Variants in RABGAP1L observed in about 807,000 individuals in gnomAD.
RABGAP1L encodes rab GTPase-activating protein 1-like.
In RABGAP1L, 63 loss-of-function variants were observed where a neutral mutation model predicts 137.7. That is an observed-to-expected ratio of 0.46 (90% CI 0.37 to 0.56). RABGAP1L has a LOEUF of 0.56. Among genes scored for constraint, RABGAP1L ranks in the 20% least tolerant of loss-of-function variants. The probability of loss-of-function intolerance (pLI) is 0.00; values close to 1 mark genes in which losing one functional copy is unlikely to be tolerated. For missense variants in RABGAP1L, 1,095 were observed against 1,244.0 expected, an observed-to-expected ratio of 0.88 and a Z score of 1.80; for synonymous variants, 431 against 433.7, an observed-to-expected ratio of 0.99 and a Z score of 0.08.
rs1686776412 is a variant in RABGAP1L, at chr1:174,779,388, T to TG, written c.2211+27035dup. On this transcript the variant is annotated intron_variant, in intron 18 of 25. Coordinates refer to ENST00000681986, the MANE Select transcript of RABGAP1L (RefSeq NM_001366446.1). ...CCATCTTGTTGTTATTTAGATGTTTTGTATGTGTATGTCTTGTCTTGAATT... is the reference window on the plus strand; with the variant it reads ...CCATCTTGTTGTTATTTAGATGTTTTGGTATGTGTATGTCTTGTCTTGAATT... Among the ~76,000 whole-genome samples the TG allele has an allele frequency of 3.3e-5, 5 of 152,338 alleles. No individual in the cohort carries two copies. The South Asian group carries it at 1.0e-3, about 32-fold the overall frequency.
At chr1:174,874,574 C>A in intron 19 of RABGAP1L, 84 of 602,622 alleles carry the variant, frequency 1.4e-4, no homozygotes, top group Middle Eastern at 8.4e-4. Context: ...CTCCACACCA[C>A]TGCCTTTTTT....
chr1:174,582,109 C>T (rs1030732485), intron 13 of RABGAP1L, among the ~76,000 whole-genome samples: 1 of 152,074 alleles, frequency 6.6e-6, no homozygotes, highest in Non-Finnish European at 1.5e-5. Flanking sequence ...AGGTAGCTCA[C>T]ACCTGTATTC....
At chr1:174,358,881 G>C (rs1326730393) in intron 11 of RABGAP1L, among the ~76,000 whole-genome samples, 1 of 152,112 alleles carries the variant, frequency 6.6e-6, no homozygotes, top group East Asian at 1.9e-4. Context: ...AATAAAAGTG[G>C]CCACTACTAT....
chr1:174,746,706 T>C (rs1683895581), intron 17 of RABGAP1L, among the ~76,000 whole-genome samples: 1 of 152,214 alleles, frequency 6.6e-6, no homozygotes, highest in South Asian at 2.1e-4. Flanking sequence ...AGAGTATCAC[T>C]TTTGGAATTA....
chr1:174,550,901 C>CAT (rs1476748167), intron 13 of RABGAP1L, among the ~76,000 whole-genome samples: 4,107 of 91,596 alleles, frequency 0.045, 208 homozygotes, highest in East Asian at 0.12. Context: ...TATATACACA[C>CAT]ACACATATAC....
chr1:174,389,755 G>C, intron 12 of RABGAP1L, among the ~76,000 whole-genome samples: 1 of 152,052 alleles, frequency 6.6e-6, no homozygotes, highest in Non-Finnish European at 1.5e-5. Context: ...ACTGTTTCTA[G>C]GTGCTTAAGA....
At chr1:174,546,420 C>A (rs569308138) in intron 13 of RABGAP1L, among the ~76,000 whole-genome samples, 2 of 152,140 alleles carry the variant, frequency 1.3e-5, no homozygotes, top group East Asian at 3.9e-4. Flanking sequence ...ACTATTAAAC[C>A]ACTGCTCTAG....
At chr1:174,504,756 A>G (rs1330780123) in intron 13 of RABGAP1L, among the ~76,000 whole-genome samples, 2 of 152,200 alleles carry the variant, frequency 1.3e-5, no homozygotes, top group Non-Finnish European at 2.9e-5. Context: ...AAAACCTGAA[A>G]CTGTAAAACT....
At chr1:174,729,933 C>T (rs529871586) in intron 17 of RABGAP1L, among the ~76,000 whole-genome samples, 6 of 152,286 alleles carry the variant, frequency 3.9e-5, no homozygotes, top group African/African-American at 1.4e-4. Context: ...GAACTTAAAA[C>T]AGAACTACCA....
At chr1:174,202,315 G>C (rs542055854) in intron 1 of RABGAP1L, among the ~76,000 whole-genome samples, 52 of 152,160 alleles carry the variant, frequency 3.4e-4, no homozygotes, top group African/African-American at 1.2e-3. Flanking sequence ...AGCACCTGTT[G>C]TTTCCTGACT....
chr1:174,687,226 T>C (rs2148489668), intron 15 of RABGAP1L, among the ~76,000 whole-genome samples: 1 of 152,248 alleles, frequency 6.6e-6, no homozygotes, highest in Admixed American at 6.5e-5. Flanking sequence ...ACTCTACTAT[T>C]ATAAGGGCCA....
intron 14 of RABGAP1L, among the ~76,000 whole-genome samples, chr1:174,667,742 A>G (rs1676889468): frequency 6.6e-6 from 1 of 152,142 alleles, no homozygotes; most frequent in Admixed American, 6.6e-5. Flanking sequence ...TTCCTGTGCT[A>G]TGACCTGGTT....
At chr1:174,280,089 G>GAC in intron 10 of RABGAP1L, among the ~76,000 whole-genome samples, 1 of 147,050 alleles carries the variant, frequency 6.8e-6, no homozygotes, top group East Asian at 1.9e-4. Context: ...GAGAGAGAGA[G>GAC]AGACATTAAA....
At chr1:174,493,589 G>A (rs571591289) in intron 13 of RABGAP1L, among the ~76,000 whole-genome samples, 1 of 152,126 alleles carries the variant, frequency 6.6e-6, no homozygotes, top group East Asian at 1.9e-4. Flanking sequence ...GGAGGCTGAG[G>A]TGGGTGGATT....
chr1:174,652,386 GT>G lies in RABGAP1L; in HGVS notation c.1824+14903del, dbSNP rs139748745. Reference sequence around the variant, plus strand: ...CCTTTGGAGGAGAAGAGGTGTTCTGGTTTTTGGAATTTTCAGCCTTTTTCCG... The same window carrying G: ...CCTTTGGAGGAGAAGAGGTGTTCTGGTTTTGGAATTTTCAGCCTTTTTCCG... On this transcript the variant is annotated intron_variant, in intron 14 of 25. Coordinates refer to ENST00000681986, the MANE Select transcript of RABGAP1L (RefSeq NM_001366446.1). Among the ~76,000 whole-genome samples the G allele has an allele frequency of 1.0e-3, 153 of 152,246 alleles. 1 individual carries two copies. The highest frequency in any genetic ancestry group is 3.5e-3 in the African/African-American group (146 of 41,542).
chr1:174,641,595 C>T (rs1182205866), intron 14 of RABGAP1L, among the ~76,000 whole-genome samples: 3 of 152,094 alleles, frequency 2.0e-5, no homozygotes, highest in Non-Finnish European at 4.4e-5. Flanking sequence ...GAAGAATATA[C>T]TACCACCCCA....
At position 174,752,304 on chromosome 1, in the gene RABGAP1L, C is replaced by G; in HGVS notation, c.2170-9C>G. The G allele has an allele frequency of 6.3e-7, 1 of 1,575,712 alleles. No individual in the cohort carries two copies. Among genetic ancestry groups the G allele is most frequent in the Non-Finnish European group, 8.6e-7 (1 of 1,158,308 alleles). On this transcript the variant is annotated splice_polypyrimidine_tract_variant and intron_variant, in intron 17 of 25. Transcript: ENST00000681986. The stretch of plus-strand genomic sequence containing the variant: ...CAGTACTAATCTTCACTTTCTTTTT[C>G]TATTTCAGGGTTTGAACATAATCTT...
At chr1:174,436,786 ACCCCTGAGTAGCCTAATTGGGAGGCAACC>A (rs1653385459) in intron 13 of RABGAP1L, among the ~76,000 whole-genome samples, 1 of 152,046 alleles carries the variant, frequency 6.6e-6, no homozygotes, top group Non-Finnish European at 1.5e-5. Flanking sequence ...TGGGTCCCTG[ACCCCTGAGTAGCCTAATTGGGAGGCAACC>A]CCCCAGTAGG....
At chr1:174,851,715 T>G (rs1255101668) in intron 19 of RABGAP1L, among the ~76,000 whole-genome samples, 1 of 151,464 alleles carries the variant, frequency 6.6e-6, no homozygotes, top group African/African-American at 2.4e-5. Flanking sequence ...AGACAGAGTC[T>G]CTCTGTGGTT....
Sources: allele counts gnomAD v4.1 joint callset (sites outside exome capture counted in the v4.1 genomes callset), GRCh38; gene constraint gnomAD v4.1.1; transcripts MANE v1.5; gene names NCBI Gene and HGNC (gene_info 2026-07-23, HGNC 2026-07-21).